The following EDA variants were observed in gnomAD, a reference collection of about 807,000 sequenced individuals.
EDA encodes the protein ectodysplasin-A.
Under a neutral mutation model 23.6 loss-of-function variants are expected in EDA, and 2 were observed. The observed-to-expected ratio is 0.08, with a 90% CI of 0.03 to 0.27. EDA has a LOEUF of 0.27. Among genes scored for constraint, EDA ranks in the 10% least tolerant of loss-of-function variants. EDA has a pLI of 1.00. For synonymous variants in EDA, 131 were observed against 132.0 expected (o/e 0.99, Z 0.05); for missense variants, 229 against 324.2 (o/e 0.71, Z 2.26).
chrX:69,910,350 GGAGAGA>G (rs1181006363), intron 1 of EDA, among the ~76,000 whole-genome samples: 8 of 63,553 alleles, frequency 1.3e-4, no homozygotes, highest in Admixed American at 2.6e-4. Flanking sequence ...GCTAGGTAAA[GGAGAGA>G]GAGAGAGAGA....
intron 1 of EDA, among the ~76,000 whole-genome samples, chrX:69,923,106 G>T: frequency 9.0e-6 from 1 of 111,500 alleles, no homozygotes. Flanking sequence ...CTATTCCAAT[G>T]TGACTAGCGG....
chrX:69,841,108 G>T (rs934832145), intron 1 of EDA, among the ~76,000 whole-genome samples: 1 of 112,194 alleles, frequency 8.9e-6, no homozygotes, highest in African/African-American at 3.2e-5. Flanking sequence ...TTCAGTATGT[G>T]TATATGCGCT....
At chrX:69,927,821 C>G (rs1047851113) in intron 1 of EDA, among the ~76,000 whole-genome samples, 5 of 110,552 alleles carry the variant, frequency 4.5e-5, no homozygotes, top group Non-Finnish European at 7.6e-5. Context: ...ACCATGTTGC[C>G]CCATCTCTCC....
At chrX:69,845,394 A>G (rs749696433) in intron 1 of EDA, among the ~76,000 whole-genome samples, 1 of 111,936 alleles carries the variant, frequency 8.9e-6, no homozygotes, top group African/African-American at 3.2e-5. Context: ...TCTCTTTGAC[A>G]TACTTTTGTC....
chrX:69,833,103 TC>T (rs1356305421), intron 1 of EDA, among the ~76,000 whole-genome samples: 1 of 111,847 alleles, frequency 8.9e-6, no homozygotes, highest in Non-Finnish European at 1.9e-5. Context: ...AGAGAGGGCA[TC>T]CCTGTCTTGT....
chrX:69,786,334 T>C (rs899003035), intron 1 of EDA, among the ~76,000 whole-genome samples: 2 of 108,645 alleles, frequency 1.8e-5, no homozygotes, highest in Non-Finnish European at 1.9e-5. Flanking sequence ...TTCTGCTAGC[T>C]TTTGAATGTG....
chrX:69,849,409 C>T (rs773933519), intron 1 of EDA, among the ~76,000 whole-genome samples: 3 of 112,041 alleles, frequency 2.7e-5, no homozygotes, highest in African/African-American at 9.7e-5. Context: ...TAGCCAAGCA[C>T]GCTTGTCTTT....
chrX:69,653,314 T>C (rs1320407324), intron 1 of EDA, among the ~76,000 whole-genome samples: 3 of 111,755 alleles, frequency 2.7e-5, no homozygotes, highest in Non-Finnish European at 3.8e-5. Context: ...GTGATTTTCG[T>C]ACATTGATTT....
At chrX:69,977,511 G>T (rs12557569) in intron 2 of EDA, among the ~76,000 whole-genome samples, 2 of 111,601 alleles carry the variant, frequency 1.8e-5, no homozygotes, top group East Asian at 5.7e-4. Context: ...GAACCCATTT[G>T]CCCCAAACTC....
In EDA at chrX:69,641,382, T is replaced by C. The variant is rs748783983; in HGVS notation, c.396+24678T>C. On this transcript the variant is annotated intron_variant, in intron 1 of 7. Transcript: ENST00000374552. Reference sequence around the variant, plus strand: ...AGTGGTTGGGAGAGATGTGAGGGTGTGTATGTGTGTGTGCATATATACATA... The same window carrying C: ...AGTGGTTGGGAGAGATGTGAGGGTGCGTATGTGTGTGTGCATATATACATA... Among the ~76,000 whole-genome samples the C allele has an allele frequency of 6.3e-5, 7 of 111,855 alleles. No homozygotes were observed. In the Admixed American group the frequency reaches 6.6e-4, roughly 11 times the overall value.
At chrX:69,728,076 C>T (rs1057154440) in intron 1 of EDA, among the ~76,000 whole-genome samples, 1 of 109,996 alleles carries the variant, frequency 9.1e-6, no homozygotes, top group Non-Finnish European at 1.9e-5. Context: ...GAAACCCCTT[C>T]TCTACTAAAA....
At chrX:69,717,349 C>G (rs2012380585) in intron 1 of EDA, among the ~76,000 whole-genome samples, 1 of 110,776 alleles carries the variant, frequency 9.0e-6, no homozygotes, top group African/African-American at 3.3e-5. Context: ...TACCTAAGTA[C>G]TCTATTTTCT....
intron 1 of EDA, among the ~76,000 whole-genome samples, chrX:69,710,115 T>G (rs1368757809): frequency 1.8e-5 from 2 of 111,188 alleles, no homozygotes; most frequent in African/African-American, 3.3e-5. Context: ...TCTTCTAGGG[T>G]TTTTATGGTT....
intron 1 of EDA, among the ~76,000 whole-genome samples, chrX:69,722,846 C>A (rs761880632): frequency 8.0e-5 from 9 of 111,905 alleles, no homozygotes; most frequent in Non-Finnish European, 1.5e-4. Flanking sequence ...AACAATAGTA[C>A]TATTAATAAT....
At chrX:69,759,296 C>A (rs2014226000) in intron 1 of EDA, among the ~76,000 whole-genome samples, 1 of 111,925 alleles carries the variant, frequency 8.9e-6, no homozygotes, top group South Asian at 3.7e-4. Flanking sequence ...TGTGTTTTAC[C>A]TTTGTAGCAG....
At chrX:69,945,380 A>C (rs2018819906) in intron 1 of EDA, among the ~76,000 whole-genome samples, 1 of 111,807 alleles carries the variant, frequency 8.9e-6, no homozygotes, top group South Asian at 3.7e-4. Flanking sequence ...TTAAATTTTA[A>C]AGTTTATGGA....
chrX:69,827,262 G>T (rs750119901), intron 1 of EDA, among the ~76,000 whole-genome samples: 2 of 111,893 alleles, frequency 1.8e-5, no homozygotes, highest in African/African-American at 6.5e-5. Context: ...GCTAGATTGG[G>T]GAAGTTCTCC....
chrX:69,689,753 AG>A (rs903901792), intron 1 of EDA, among the ~76,000 whole-genome samples: 1 of 111,597 alleles, frequency 9.0e-6, no homozygotes, highest in Admixed American at 9.5e-5. Context: ...AGATCAATTT[AG>A]GGAGTATTGC....
intron 1 of EDA, among the ~76,000 whole-genome samples, chrX:69,840,644 G>T (rs1382451422): frequency 1.8e-5 from 2 of 111,789 alleles, no homozygotes; most frequent in Non-Finnish European, 3.8e-5. Flanking sequence ...GAATAAAATT[G>T]TCTTACTCCA....
Sources: gnomAD v4.1 joint callset for allele counts (sites outside exome capture counted in the v4.1 genomes callset) on GRCh38, gnomAD v4.1.1 for gene constraint, MANE v1.5 for transcripts, NCBI Gene and HGNC (gene_info 2026-07-23, HGNC 2026-07-21) for gene names.